ACYP2: variants seen among roughly 807,000 people sequenced by gnomAD.
The protein encoded by ACYP2 is acylphosphatase-2.
Under a neutral mutation model 11.2 loss-of-function variants are expected in ACYP2, and 12 were observed. The observed-to-expected ratio is 1.08, with a 90% CI of 0.69 to 1.74. The LOEUF is 1.74. ACYP2 is among the 40% of genes most tolerant of loss of function. The pLI, the probability that ACYP2 is intolerant of heterozygous loss-of-function variation, is 0.00. For missense variants in ACYP2, 134 were observed against 101.9 expected (o/e 1.31, Z -1.35); for synonymous variants, 43 against 32.2 (o/e 1.33, Z -1.13).
chr2:54,171,336 G>C (rs1013165210), intron 6 of ACYP2, among the ~76,000 whole-genome samples: 1 of 152,134 alleles, frequency 6.6e-6, no homozygotes, highest in African/African-American at 2.4e-5. Flanking sequence ...ATAGCGAATG[G>C]AATATGGGAA....
At chr2:54,008,955 C>T (rs183742372) in intron 2 of ACYP2, among the ~76,000 whole-genome samples, 3 of 152,132 alleles carry the variant, frequency 2.0e-5, no homozygotes, top group Admixed American at 2.0e-4. Context: ...GAGTTCGAGA[C>T]CAGCCTGGCC....
chr2:54,001,401 T>G (rs1182262143), intron 2 of ACYP2, among the ~76,000 whole-genome samples: 3 of 152,166 alleles, frequency 2.0e-5, no homozygotes, highest in Non-Finnish European at 1.5e-5. Context: ...AATATGTATT[T>G]TTTATTTTTG....
chr2:54,029,444 T>C (rs1311670166), intron 2 of ACYP2: 8 of 261,916 alleles, frequency 3.1e-5, no homozygotes, highest in Non-Finnish European at 7.5e-6. Flanking sequence ...CATATGTATA[T>C]ATGTATATGT....
chr2:54,047,105 C>CA (rs1675568031), intron 2 of ACYP2, among the ~76,000 whole-genome samples: 1 of 152,188 alleles, frequency 6.6e-6, no homozygotes, highest in Admixed American at 6.5e-5. Flanking sequence ...ACTAAGGCAC[C>CA]AAGCAAGGCT....
At position 54,165,552 on chromosome 2, in the gene ACYP2, C is replaced by CAG. The variant is rs1339052755; in HGVS notation, c.404+26805_404+26806insGA. On this transcript the variant is annotated intron_variant, in intron 6 of 6. Transcript: ENST00000607452. ...TCTCTCTCTCACACACACACACACA[C>CAG]ACACACACACACACACACACATTAG... Among the ~76,000 whole-genome samples the CAG allele has an allele frequency of 3.1e-3, 466 of 151,814 alleles. 4 individuals are homozygous for CAG. Among genetic ancestry groups the CAG allele is most frequent in the African/African-American group, 0.011 (441 of 41,368 alleles).
intron 3 of ACYP2, among the ~76,000 whole-genome samples, chr2:54,054,538 T>C (rs1676022411): frequency 6.6e-6 from 1 of 152,238 alleles, no homozygotes; most frequent in Non-Finnish European, 1.5e-5. Context: ...TCGATTTTAC[T>C]TAGCTGTGGT....
At chr2:54,198,591 T>G (rs1485035721) in intron 6 of ACYP2, among the ~76,000 whole-genome samples, 1 of 148,966 alleles carries the variant, frequency 6.7e-6, no homozygotes, top group Non-Finnish European at 1.5e-5. Context: ...TTTTGTTGTT[T>G]AATGTCATTC....
At chr2:54,140,629 T>C (rs553179692) in intron 6 of ACYP2, among the ~76,000 whole-genome samples, 5 of 152,284 alleles carry the variant, frequency 3.3e-5, no homozygotes, top group African/African-American at 1.2e-4. Flanking sequence ...CTTCTCTGCA[T>C]CTTACTTTAT....
rs373240448 is a variant in ACYP2, at chr2:54,038,394, C to T, written c.63-12564C>T. Among the ~76,000 whole-genome samples, 23 of 152,068 alleles carry T rather than the reference C, an allele frequency of 1.5e-4. No homozygotes were observed. The South Asian group carries it at 4.8e-3, about 32-fold the overall frequency. On this transcript the variant is annotated intron_variant, in intron 2 of 6. Coordinates refer to ENST00000607452, the MANE Select transcript of ACYP2 (RefSeq NM_001320586.2). The stretch of plus-strand genomic sequence containing the variant: ...TATCTTACTTTCCACTATATGTGAG[C>T]TTCTTGAGGGCAGGGATTTAAATAT...
At chr2:54,062,040 A>G (rs1028087187) in intron 4 of ACYP2, among the ~76,000 whole-genome samples, 2 of 152,238 alleles carry the variant, frequency 1.3e-5, no homozygotes, top group African/African-American at 4.8e-5. Flanking sequence ...CGTAAGTTGC[A>G]TTGCCTCTGA....
chr2:54,149,507 C>CA (rs1553381064), intron 6 of ACYP2, among the ~76,000 whole-genome samples: 1 of 150,820 alleles, frequency 6.6e-6, no homozygotes, highest in Non-Finnish European at 1.5e-5. Flanking sequence ...TTTATTATGT[C>CA]TTTTTTTTTG....
chr2:54,002,255 A>G (rs1672836084), intron 2 of ACYP2, among the ~76,000 whole-genome samples: 1 of 152,206 alleles, frequency 6.6e-6, no homozygotes, highest in Admixed American at 6.5e-5. Flanking sequence ...CAGGAGTCAT[A>G]CAGTATGTAG....
At chr2:53,979,108 A>G (rs946755301) in intron 2 of ACYP2, among the ~76,000 whole-genome samples, 1 of 151,958 alleles carries the variant, frequency 6.6e-6, no homozygotes, top group African/African-American at 2.4e-5. Flanking sequence ...GTCCTTCAGT[A>G]GGGATTCGAG....
chr2:54,168,280 A>T (rs1368358576), intron 6 of ACYP2, among the ~76,000 whole-genome samples: 1 of 151,748 alleles, frequency 6.6e-6, no homozygotes, highest in Non-Finnish European at 1.5e-5. Flanking sequence ...TAAAAAAATC[A>T]CCCAGGCGTG....
chr2:54,193,237 G>A (rs996678531), intron 6 of ACYP2, among the ~76,000 whole-genome samples: 2 of 152,088 alleles, frequency 1.3e-5, no homozygotes, highest in African/African-American at 2.4e-5. Context: ...GTTTTATTTT[G>A]TTCTAATAAC....
intron 6 of ACYP2, among the ~76,000 whole-genome samples, chr2:54,261,791 A>G (rs115098737): frequency 6.6e-6 from 1 of 152,230 alleles, no homozygotes; most frequent in Non-Finnish European, 1.5e-5. Context: ...CGTAAGATTC[A>G]AAAGAATGTT....
intron 6 of ACYP2, among the ~76,000 whole-genome samples, chr2:54,197,965 TTG>T (rs1369391652): frequency 1.1e-5 from 1 of 92,752 alleles, no homozygotes; most frequent in Non-Finnish European, 2.1e-5. Context: ...TTGTATTGTA[TTG>T]TATTGTATTG....
chr2:54,149,043 G>T (rs1376144222), intron 6 of ACYP2, among the ~76,000 whole-genome samples: 1 of 152,166 alleles, frequency 6.6e-6, no homozygotes, highest in African/African-American at 2.4e-5. Flanking sequence ...TTGAGCTCAA[G>T]AATTCGTGAC....
intron 6 of ACYP2, among the ~76,000 whole-genome samples, chr2:54,172,702 C>T (rs1386122215): frequency 3.9e-5 from 6 of 152,144 alleles, no homozygotes. Context: ...TAGCTGCCCA[C>T]CACCCACTGA....
Sources: gnomAD v4.1 joint callset for allele counts (sites outside exome capture counted in the v4.1 genomes callset) on GRCh38, gnomAD v4.1.1 for gene constraint, MANE v1.5 for transcripts, NCBI Gene and HGNC (gene_info 2026-07-23, HGNC 2026-07-21) for gene names.